Variants in EFR3B observed in about 807,000 individuals in gnomAD.
EFR3B encodes protein EFR3 homolog B.
EFR3B carries 64 observed loss-of-function variants against 104.7 expected under a neutral mutation model. The ratio of observed to expected loss-of-function variants is 0.61; its 90% confidence interval spans 0.50 to 0.75. The LOEUF (loss-of-function observed/expected upper bound fraction) is 0.75. Ranked by LOEUF, EFR3B falls within the 30% of genes least tolerant of loss-of-function variation. EFR3B has a pLI of 0.00. For synonymous variants in EFR3B, 385 were observed against 417.9 expected, an observed-to-expected ratio of 0.92 and a Z score of 0.96; for missense variants, 750 against 1,078.5, an observed-to-expected ratio of 0.70 and a Z score of 4.27.
In EFR3B at chr2:25,131,916, G is replaced by C; in HGVS notation, c.1147+5G>C. ...AGGCCGTCATCAAGACCGTGGGTGCGGCGCGGGGCCGGGCCGGGGCGGGGC... is the reference window on the plus strand; with the variant it reads ...AGGCCGTCATCAAGACCGTGGGTGCCGCGCGGGGCCGGGCCGGGGCGGGGC... On this transcript the variant is annotated splice_donor_5th_base_variant and intron_variant, in intron 10 of 22. Coordinates refer to ENST00000403714, the MANE Select transcript of EFR3B (RefSeq NM_014971.2). This position sits in a 1 kb window ranked among gnomAD's most constrained non-coding sequence, Gnocchi z 7.6. 6.6e-7 allele frequency: 1 copy of C among 1,504,588 alleles called. No individual in the cohort carries two copies. The highest frequency in any genetic ancestry group is 8.9e-7 in the Non-Finnish European group (1 of 1,126,160). 93.2% of individuals were successfully genotyped at this position (1,504,588 alleles called of 1,614,324 possible). A position where few individuals can be genotyped will look rare whatever the true frequency, so the allele number is the denominator to read the frequency against.
intron 1 of EFR3B, among the ~76,000 whole-genome samples, chr2:25,074,150 T>A (rs1280507424): frequency 6.6e-6 from 1 of 152,126 alleles, no homozygotes; most frequent in African/African-American, 2.4e-5. Flanking sequence ...GGTGTGGGGC[T>A]GGTTGGTCGC....
intron 4 of EFR3B, among the ~76,000 whole-genome samples, chr2:25,113,348 G>A (rs1460226301): frequency 6.6e-6 from 1 of 152,182 alleles, no homozygotes; most frequent in Admixed American, 6.5e-5. Context: ...CTCAGTTGTA[G>A]GGGTGAAACA....
At position 25,080,251 on chromosome 2, in the gene EFR3B, T is replaced by TC. The variant is rs150107363; in HGVS notation, c.8-11073dup. 6.1e-4 allele frequency: 619 copies of TC among 1,019,006 alleles called. 1 individual carries two copies. In the African/African-American group the frequency reaches 9.7e-3, roughly 16 times the overall value. 63.1% of individuals were successfully genotyped at this position (1,019,006 alleles called of 1,614,324 possible). A position where few individuals can be genotyped will look rare whatever the true frequency, so the allele number is the denominator to read the frequency against. On this transcript the variant is annotated intron_variant, in intron 1 of 22. Coordinates refer to ENST00000403714, the MANE Select transcript of EFR3B (RefSeq NM_014971.2). ...ATGGACTGTAGCACCACCACCAACA[T>TC]CAAGGAAGCTGGCTGGAGTCCCTCC... is the stretch of plus-strand genomic sequence containing the variant.
chr2:25,084,259 A>G (rs556012125), intron 1 of EFR3B, among the ~76,000 whole-genome samples: 1 of 151,906 alleles, frequency 6.6e-6, no homozygotes, highest in East Asian at 1.9e-4. Context: ...TTTTTTGAGA[A>G]TGAGTCTCAC....
intron 4 of EFR3B, among the ~76,000 whole-genome samples, chr2:25,116,653 C>G (rs557148348): frequency 2.0e-5 from 3 of 149,116 alleles, no homozygotes; most frequent in Admixed American, 2.0e-4. Context: ...TTTGAAGATT[C>G]GAAACTAATA....
intron 1 of EFR3B, among the ~76,000 whole-genome samples, chr2:25,079,262 G>A (rs138643780): frequency 5.9e-5 from 9 of 152,286 alleles, no homozygotes; most frequent in Middle Eastern, 3.4e-3. Context: ...CCAGGTCCCC[G>A]GGACTGGGTG....
At chr2:25,090,247 G>A (rs560753108) in intron 1 of EFR3B, among the ~76,000 whole-genome samples, 5 of 152,288 alleles carry the variant, frequency 3.3e-5, no homozygotes, top group East Asian at 3.9e-4. Context: ...CAGGCCCCCC[G>A]GGCCCCTCCC....
At chr2:25,097,447 C>T (rs748112998) in intron 3 of EFR3B, among the ~76,000 whole-genome samples, 5 of 152,122 alleles carry the variant, frequency 3.3e-5, no homozygotes, top group Non-Finnish European at 7.4e-5. Context: ...GTCTCCCTGC[C>T]GTGATGCAGG....
rs1670205763 is a variant in EFR3B at position 25,127,665 on chromosome 2, G to A, written c.486-518G>A. ...GGTTCACATAGCAGGGACTGGGGGT[G>A]TACAAAAGGGGCTCCTGCTGTGCTG... On this transcript the variant is annotated intron_variant, in intron 5 of 22. Coordinates refer to ENST00000403714, the MANE Select transcript of EFR3B (RefSeq NM_014971.2). Among the ~76,000 whole-genome samples, 4 of 152,180 alleles carry A rather than the reference G, an allele frequency of 2.6e-5. No individual in the cohort carries two copies. In the South Asian group the frequency reaches 8.3e-4, roughly 32 times the overall value.
In EFR3B at chr2:25,055,678, C is replaced by G. The variant is rs561710847; in HGVS notation, c.7+13359C>G. On this transcript the variant is annotated intron_variant, in intron 1 of 22. Transcript: ENST00000403714. ...TGCATGAACAATAATCCCTAAATTA[C>G]GAGAACATTTATAAAGACCTTGCCT... Among the ~76,000 whole-genome samples the G allele has an allele frequency of 4.6e-4, 70 of 152,260 alleles. 2 individuals carry two copies. In the South Asian group the frequency reaches 0.014, roughly 30 times the overall value.
chr2:25,080,540 C>T (rs56174617), intron 1 of EFR3B: 103,595 of 477,600 alleles, frequency 0.22, 12,445 homozygotes, highest in South Asian at 0.27. Flanking sequence ...GGTATCTGCC[C>T]GCCTCGGCCT....
At chr2:25,047,990 C>A (rs1667767514) in intron 1 of EFR3B, among the ~76,000 whole-genome samples, 1 of 152,004 alleles carries the variant, frequency 6.6e-6, no homozygotes, top group South Asian at 2.1e-4. Flanking sequence ...TAATATCTTT[C>A]TTTCCATGTG....
At chr2:25,152,776 A>G (rs1021410948) in intron 21 of EFR3B, among the ~76,000 whole-genome samples, 5 of 151,524 alleles carry the variant, frequency 3.3e-5, no homozygotes, top group Non-Finnish European at 4.4e-5. Flanking sequence ...ACAAAATATA[A>G]TATGTATAAA....
chr2:25,069,820 C>G (rs1470421296), intron 1 of EFR3B, among the ~76,000 whole-genome samples: 1 of 152,198 alleles, frequency 6.6e-6, no homozygotes, highest in Non-Finnish European at 1.5e-5. Context: ...CCTCAGCCTC[C>G]CAAGTAGCTG....
In EFR3B at chr2:25,153,714, A is replaced by G. The variant is rs1398746697; in HGVS notation, c.2301A>G (p.Ala767=). 6.4e-7 allele frequency: 1 copy of G among 1,551,680 alleles called. No individual in the cohort carries two copies. Among genetic ancestry groups the G allele is most frequent in the Admixed American group, 2.0e-5 (1 of 51,000 alleles). Residue 767 remains alanine (A), a splice_region_variant and synonymous_variant, in exon 22 of 23, where the codon GCA becomes GCG. Transcript: ENST00000403714. The part of the protein sequence containing the change: ...EEIAAHCGAR[A]SLLQSKLNQI... ...CACTTCCGTGTGTTTGTGTCTAGGCATCGCTGCTCCAGAGCAAACTCAATC... is the reference window on the plus strand; with the variant it reads ...CACTTCCGTGTGTTTGTGTCTAGGCGTCGCTGCTCCAGAGCAAACTCAATC...
At chr2:25,090,030 G>T (rs566511695) in intron 1 of EFR3B, among the ~76,000 whole-genome samples, 3 of 151,192 alleles carry the variant, frequency 2.0e-5, no homozygotes, top group Non-Finnish European at 3.0e-5. Context: ...AACTCCCAAA[G>T]AACTCTTTTC....
intron 1 of EFR3B, chr2:25,081,144 C>T (rs1014352432): frequency 8.5e-6 from 6 of 702,962 alleles, no homozygotes; most frequent in East Asian, 2.5e-5. Flanking sequence ...TGCTTGATTG[C>T]ATATTCCACC....
Position 25,154,613 on chromosome 2 carries a change from G to GC in EFR3B, c.*273_*274insC. On this transcript the variant is annotated 3_prime_UTR_variant, in exon 23 of 23. Transcript: ENST00000403714. The surrounding 1 kb of genome is among the most constrained non-coding windows in gnomAD (Gnocchi z 4.1). ...TCAGCCAGGGGCAGAGAATCATGGGGTGTCTCTCAGGAGAAGCCGGGGGGA... is the reference window on the plus strand; with the variant it reads ...TCAGCCAGGGGCAGAGAATCATGGGGCTGTCTCTCAGGAGAAGCCGGGGGGA... The GC allele has an allele frequency of 4.8e-6, 2 of 415,794 alleles. No homozygotes were observed. Among genetic ancestry groups the GC allele is most frequent in the Admixed American group, 4.1e-5 (1 of 24,362 alleles). The allele number at this position is 415,794 out of a possible 1,614,324, so 25.8% of individuals were successfully genotyped here.
intron 4 of EFR3B, among the ~76,000 whole-genome samples, chr2:25,118,454 C>T (rs899588056): frequency 6.6e-6 from 1 of 152,044 alleles, no homozygotes; most frequent in Non-Finnish European, 1.5e-5. Flanking sequence ...TGTGTGTATA[C>T]ACAGATATGC....
Sources: allele counts gnomAD v4.1 joint callset (sites outside exome capture counted in the v4.1 genomes callset), GRCh38; gene constraint gnomAD v4.1.1; non-coding constraint Gnocchi (gnomAD v3.1); transcripts MANE v1.5; gene names NCBI Gene and HGNC (gene_info 2026-07-23, HGNC 2026-07-21).